Variants in SETD1A observed in about 807,000 individuals in gnomAD.
SETD1A encodes the protein SET domain containing 1A, histone lysine methyltransferase.
In SETD1A, 29 loss-of-function variants were observed where a neutral mutation model predicts 149.9. That is an observed-to-expected ratio of 0.19 (90% CI 0.14 to 0.26). The LOEUF (loss-of-function observed/expected upper bound fraction) is 0.26, where lower values mean the gene tolerates loss of function less well. Among genes scored for constraint, SETD1A ranks in the 10% least tolerant of loss-of-function variants. The probability of loss-of-function intolerance (pLI) is 1.00; values close to 1 mark genes in which losing one functional copy is unlikely to be tolerated. For synonymous variants in SETD1A, 1,141 were observed against 968.5 expected (o/e 1.18, Z -3.31); for missense variants, 2,109 against 2,353.1 (o/e 0.90, Z 2.15).
At position 30,971,436 on chromosome 16, in the gene SETD1A, C is replaced by T. The variant is rs768637479; in HGVS notation, c.3075C>T (p.Gly1025=). 5 of 1,612,528 alleles carry T rather than the reference C, an allele frequency of 3.1e-6. No homozygotes were observed. The highest frequency in any genetic ancestry group is 2.2e-5 in the East Asian group (1 of 44,842). Reference sequence around the variant, plus strand: ...GTTCTCTGTATGCTGACTCAGATGGCGAAAATGACAGCACATCAGACTCCG... The same window carrying T: ...GTTCTCTGTATGCTGACTCAGATGGTGAAAATGACAGCACATCAGACTCCG... ...SKCSLYADSD[G]ENDSTSDSES... Residue 1025 remains glycine (G), a synonymous_variant, in exon 13 of 19, where the codon GGC becomes GGT. Coordinates refer to ENST00000262519, the MANE Select transcript of SETD1A (RefSeq NM_014712.3).
chr16:30,970,093 T>C (rs2056206037), intron 12 of SETD1A, among the ~76,000 whole-genome samples: 1 of 146,238 alleles, frequency 6.8e-6, no homozygotes, highest in South Asian at 2.2e-4. Context: ...TCAGCCTCCG[T>C]TGTAGCTGGG....
Position 30,984,327 on chromosome 16 carries a change from T to TGG in SETD1A, c.*309_*310dup. ...GTGCCGGCCTGTACAGATTCTGTCC[T>TGG]GGGGGGCTACACAGTCCTCTTGCTT... On this transcript the variant is annotated 3_prime_UTR_variant, in exon 19 of 19. Coordinates refer to ENST00000262519, the MANE Select transcript of SETD1A (RefSeq NM_014712.3). 1 of 394,210 alleles carries TGG rather than the reference T, an allele frequency of 2.5e-6. No homozygotes were observed. Among genetic ancestry groups the TGG allele is most frequent in the Non-Finnish European group, 4.7e-6 (1 of 214,180 alleles). The allele number at this position is 394,210 out of a possible 1,614,324, so 24.4% of individuals were successfully genotyped here.
intron 13 of SETD1A, among the ~76,000 whole-genome samples, chr16:30,973,746 C>T (rs1391369194): frequency 6.6e-6 from 1 of 152,094 alleles, no homozygotes; most frequent in East Asian, 1.9e-4. Flanking sequence ...TAGGCAGTGC[C>T]CACAGGAAGA....
At chr16:30,960,200 T>G (rs116692581) in intron 3 of SETD1A, among the ~76,000 whole-genome samples, 4 of 152,194 alleles carry the variant, frequency 2.6e-5, no homozygotes, top group African/African-American at 7.2e-5. Context: ...CTTGCTGTCA[T>G]TTGTCTCTTT....
At chr16:30,976,361 C>T (rs1176056119) in intron 13 of SETD1A, among the ~76,000 whole-genome samples, 1 of 152,132 alleles carries the variant, frequency 6.6e-6, no homozygotes, top group Non-Finnish European at 1.5e-5. Context: ...GCACTGTATC[C>T]TGGAGACAGA....
At chr16:30,977,480 G>A (rs2056298217) in intron 13 of SETD1A, among the ~76,000 whole-genome samples, 1 of 152,220 alleles carries the variant, frequency 6.6e-6, no homozygotes, top group Admixed American at 6.5e-5. Flanking sequence ...TGAGAGGGAT[G>A]GGCAGGTTCC....
intron 13 of SETD1A, among the ~76,000 whole-genome samples, chr16:30,973,420 G>A (rs1353726519): frequency 1.3e-5 from 2 of 152,098 alleles, no homozygotes; most frequent in Non-Finnish European, 2.9e-5. Context: ...TTAGGAGGCC[G>A]AGGCGGGCAG....
intron 3 of SETD1A, 30 bp downstream of exon 3, chr16:30,959,216 A>G (rs1194501392): frequency 3.6e-6 from 5 of 1,388,694 alleles, no homozygotes. Flanking sequence ...CTGGTGTGGT[A>G]GTCCTAAGAG....
At chr16:30,975,251 G>A (rs1489605854) in intron 13 of SETD1A, among the ~76,000 whole-genome samples, 1 of 151,778 alleles carries the variant, frequency 6.6e-6, no homozygotes, top group African/African-American at 2.4e-5. Context: ...TGGAGGTTGC[G>A]GTGAGCCGAA....
chr16:30,973,223 A>G (rs1277402165), intron 13 of SETD1A, among the ~76,000 whole-genome samples: 6 of 152,188 alleles, frequency 3.9e-5, no homozygotes, highest in African/African-American at 1.4e-4. Flanking sequence ...CATCAGAGGA[A>G]TGACATGGTC....
intron 3 of SETD1A, among the ~76,000 whole-genome samples, chr16:30,960,305 G>A (rs899393890): frequency 2.6e-5 from 4 of 152,058 alleles, no homozygotes; most frequent in Non-Finnish European, 4.4e-5. Context: ...CTTATCCTCC[G>A]CCTTGACACC....
chr16:30,980,314 T>C lies in SETD1A; in HGVS notation c.4408+120T>C. 3 of 1,432,498 alleles carry C rather than the reference T, an allele frequency of 2.1e-6. No homozygotes were observed. The highest frequency in any genetic ancestry group is 2.8e-6 in the Non-Finnish European group (3 of 1,073,838). The allele number at this position is 1,432,498 out of a possible 1,614,324, so 88.7% of individuals were successfully genotyped here. A position where few individuals can be genotyped will look rare whatever the true frequency, so the allele number is the denominator to read the frequency against. On this transcript the variant is annotated intron_variant, in intron 14 of 18. Transcript: ENST00000262519. The surrounding 1 kb of genome is among the most constrained non-coding windows in gnomAD (Gnocchi z 7.7). ...TGGCTCCAAGCCATCTTTTCTCTCC[T>C]CCTGGTGCCTCTTTTCTGCCTTCCA...
rs746561159 is a variant in SETD1A, at chr16:30,959,205, C to T, written c.246+19C>T. ...GTTTAAGGTAAGTGTCTGCTGGGCT[C>T]CTGGTGTGGTAGTCCTAAGAGGGTG... On this transcript the variant is annotated intron_variant, in intron 3 of 18. Transcript: ENST00000262519. The T allele has an allele frequency of 3.9e-5, 58 of 1,496,596 alleles. No homozygotes were observed. Among genetic ancestry groups the T allele is most frequent in the Non-Finnish European group, 5.0e-5 (54 of 1,072,882 alleles). 92.7% of individuals were successfully genotyped at this position (1,496,596 alleles called of 1,614,324 possible).
At position 30,980,324 on chromosome 16, in the gene SETD1A, T is replaced by G; in HGVS notation, c.4408+130T>G. 7.0e-7 allele frequency: 1 copy of G among 1,435,368 alleles called. No individual in the cohort carries two copies. Among genetic ancestry groups the G allele is most frequent in the Non-Finnish European group, 9.3e-7 (1 of 1,074,174 alleles). 88.9% of individuals were successfully genotyped at this position (1,435,368 alleles called of 1,614,324 possible). On this transcript the variant is annotated intron_variant, in intron 14 of 18. Transcript: ENST00000262519. The surrounding 1 kb of genome is among the most constrained non-coding windows in gnomAD (Gnocchi z 7.7). ...CCATCTTTTCTCTCCTCCTGGTGCC[T>G]CTTTTCTGCCTTCCAAAGCATTTCT...
rs773439513 is a variant in SETD1A at position 30,983,760 on chromosome 16, C to T, written c.4938C>T (p.Asn1646=). 1 of 1,614,120 alleles carries T rather than the reference C, an allele frequency of 6.2e-7. No individual in the cohort carries two copies. Among genetic ancestry groups the T allele is most frequent in the South Asian group, 1.1e-5 (1 of 91,080 alleles). Residue 1646 remains asparagine, a synonymous_variant, in exon 18 of 19, where the codon AAC becomes AAT. Coordinates refer to ENST00000262519, the MANE Select transcript of SETD1A (RefSeq NM_014712.3). The surrounding 1 kb of genome is among the most constrained non-coding windows in gnomAD (Gnocchi z 6.8). ...TKCGNLARFI[N]HCCTPNCYAK... is the part of the protein sequence containing the mutation. ...GTGGCAACCTGGCCAGATTCATCAACCACTGCTGCACGGTGCGCCAGGGGC... is the reference window on the plus strand; with the variant it reads ...GTGGCAACCTGGCCAGATTCATCAATCACTGCTGCACGGTGCGCCAGGGGC...
chr16:30,958,498 C>T (rs1022782522), intron 1 of SETD1A: 3 of 557,170 alleles, frequency 5.4e-6, no homozygotes, highest in East Asian at 3.0e-5. Context: ...CGAGACGGGC[C>T]TGGGGGCCTG....
rs373029609 is a variant in SETD1A, at chr16:30,965,984, C to T, written c.2103C>T (p.Ala701=). 2.1e-5 allele frequency: 34 copies of T among 1,585,864 alleles called. No homozygotes were observed. Among genetic ancestry groups the T allele is most frequent in the Middle Eastern group, 1.7e-4 (1 of 5,924 alleles). ...TGCGGCAGGGCAAGGGATTGATTGC[C>T]GCCTCAGCTGGCCCCCCCGGTGGGG... The part of the protein sequence containing the change: ...HQLRQGKGLI[A]ASAGPPGGAF... Residue 701 remains alanine, a synonymous_variant, in exon 8 of 19, where the codon GCC becomes GCT. Coordinates refer to ENST00000262519, the MANE Select transcript of SETD1A (RefSeq NM_014712.3).
intron 3 of SETD1A, 118 bp downstream of exon 3, chr16:30,959,304 C>G: frequency 1.3e-6 from 1 of 748,042 alleles, no homozygotes; most frequent in South Asian, 1.5e-5. Context: ...ATCTAGCAAC[C>G]TCTGAGGCTG....
rs139119057 is a variant in SETD1A, at chr16:30,964,807, G to A, written c.1065G>A (p.Ser355=). 1.3e-5 allele frequency: 21 copies of A among 1,613,842 alleles called. 1 individual carries two copies. Among genetic ancestry groups the A allele is most frequent in the Middle Eastern group, 1.6e-4 (1 of 6,084 alleles). ...CCTCCTCGTCATCCTCTTCCTCCTC[G>A]TCCTCTCAGTTTCGTAGTTCTGATG... ...SSSSSSSSSS[S]SSQFRSSDAN... Residue 355 remains serine (S), a synonymous_variant, in exon 7 of 19, where the codon TCG becomes TCA. Coordinates refer to ENST00000262519, the MANE Select transcript of SETD1A (RefSeq NM_014712.3).
Sources: gnomAD v4.1 joint callset for allele counts (sites outside exome capture counted in the v4.1 genomes callset) on GRCh38, gnomAD v4.1.1 for gene constraint, Gnocchi (gnomAD v3.1) non-coding constraint, MANE v1.5 for transcripts, NCBI Gene and HGNC (gene_info 2026-07-23, HGNC 2026-07-21) for gene names.